The following TRIO variants were observed in gnomAD, a reference collection of about 807,000 sequenced individuals.
The protein encoded by TRIO is triple functional domain protein.
A neutral mutation model predicts 351.9 loss-of-function variants in TRIO; 58 were observed. The ratio of observed to expected loss-of-function variants is 0.16; its 90% confidence interval spans 0.13 to 0.21. The LOEUF (loss-of-function observed/expected upper bound fraction) is 0.21. Among genes scored for constraint, TRIO ranks in the 10% least tolerant of loss-of-function variants. The pLI, the probability that TRIO is intolerant of heterozygous loss-of-function variation, is 1.00. For synonymous variants in TRIO, 1,758 were observed against 1,595.7 expected (o/e 1.10, Z -2.42); for missense variants, 3,201 against 4,027.8 (o/e 0.79, Z 5.56).
chr5:14,456,184 C>T (rs927412362), intron 34 of TRIO, among the ~76,000 whole-genome samples: 64 of 152,348 alleles, frequency 4.2e-4, no homozygotes, highest in African/African-American at 1.5e-3. Context: ...GCTGAGCACA[C>T]GCCCACCTGG....
chr5:14,247,706 A>G (rs1365047930), intron 1 of TRIO, among the ~76,000 whole-genome samples: 1 of 152,216 alleles, frequency 6.6e-6, no homozygotes, highest in Non-Finnish European at 1.5e-5. Flanking sequence ...TTTTGACAAT[A>G]AAGTTGATAA....
At chr5:14,397,470 T>C (rs1465233726) in intron 29 of TRIO, 1 of 256,004 alleles carries the variant, frequency 3.9e-6, no homozygotes, top group African/African-American at 2.2e-5. Flanking sequence ...TATGGGTGGA[T>C]CAAACCCCAG....
Position 14,487,762 on chromosome 5 carries a change from C to T in TRIO, c.7134C>T (p.Pro2378=). ...GTSTPGPSLP[P]PGAAPEAGPS... Reference sequence around the variant, plus strand: ...CCACCCCCGGGCCCTCCCTGCCTCCCCCTGGCGCGGCCCCCGAGGCCGGCC... The same window carrying T: ...CCACCCCCGGGCCCTCCCTGCCTCCTCCTGGCGCGGCCCCCGAGGCCGGCC... Residue 2378 remains proline (P), a synonymous_variant, in exon 48 of 57, where the codon CCC becomes CCT. Coordinates refer to ENST00000344204, the MANE Select transcript of TRIO (RefSeq NM_007118.4). The T allele has an allele frequency of 1.4e-6, 2 of 1,380,784 alleles. No individual in the cohort carries two copies. The highest frequency in any genetic ancestry group is 1.7e-5 in the South Asian group (1 of 60,008). The allele number at this position is 1,380,784 out of a possible 1,614,324, so 85.5% of individuals were successfully genotyped here.
At chr5:14,302,209 A>T (rs1205829171) in intron 7 of TRIO, among the ~76,000 whole-genome samples, 2 of 152,178 alleles carry the variant, frequency 1.3e-5, no homozygotes, top group Non-Finnish European at 2.9e-5. Flanking sequence ...TGTTAATCTG[A>T]TGCTTCTGTT....
chr5:14,190,976 T>C (rs922309251), intron 1 of TRIO, among the ~76,000 whole-genome samples: 1 of 150,856 alleles, frequency 6.6e-6, no homozygotes. Flanking sequence ...CTGAGATTGA[T>C]ATGTATATTA....
At chr5:14,481,306 G>A (rs764416815) in intron 44 of TRIO, 22 bp downstream of exon 44, 3 of 1,612,280 alleles carry the variant, frequency 1.9e-6, no homozygotes, top group Non-Finnish European at 2.5e-6. Flanking sequence ...AGCGGCTGTG[G>A]GCACCCAAAT....
chr5:14,218,371 A>G (rs530195356), intron 1 of TRIO, among the ~76,000 whole-genome samples: 1 of 152,352 alleles, frequency 6.6e-6, no homozygotes, highest in South Asian at 2.1e-4. Context: ...GACTGATATT[A>G]AGAGCACAGA....
At chr5:14,462,965 G>A (rs1222850947) in intron 36 of TRIO, 40 bp downstream of exon 36, 2 of 1,521,674 alleles carry the variant, frequency 1.3e-6, no homozygotes, top group East Asian at 2.3e-5. Context: ...TGCCTGCCGT[G>A]CAGGGGCAGG....
intron 8 of TRIO, among the ~76,000 whole-genome samples, chr5:14,316,111 T>C (rs1739361026): frequency 1.3e-5 from 2 of 152,226 alleles, no homozygotes; most frequent in Non-Finnish European, 1.5e-5. Flanking sequence ...TGTCTCGAGA[T>C]AAAATTATTA....
intron 1 of TRIO, among the ~76,000 whole-genome samples, chr5:14,160,327 A>T (rs149131906): frequency 4.5e-4 from 69 of 152,320 alleles, no homozygotes; most frequent in Non-Finnish European, 7.1e-4. Flanking sequence ...TTGGACTGTC[A>T]TCTTTGTTTC....
rs528366081 is a variant in TRIO, at chr5:14,354,772, C to T, written c.2047-3406C>T. ...AACTATGCAGAGTCCCCTGTTGATT[C>T]CTTAAGTGTTCTCCATTTTTTGTCC... is the stretch of plus-strand genomic sequence containing the variant. On this transcript the variant is annotated intron_variant, in intron 11 of 56. Transcript: ENST00000344204. Among the ~76,000 whole-genome samples the T allele has an allele frequency of 3.9e-5, 6 of 152,268 alleles. No homozygotes were observed. In the East Asian group the frequency reaches 1.2e-3, roughly 29 times the overall value.
Position 14,456,286 on chromosome 5 carries a change from C to T in TRIO, c.5204-4733C>T, listed in dbSNP as rs955699107. 3.9e-5 allele frequency among the ~76,000 whole-genome samples: 6 copies of T among 152,378 alleles called. No homozygotes were observed. In the South Asian group the frequency reaches 1.0e-3, roughly 26 times the overall value. Reference sequence around the variant, plus strand: ...CACACCTCTGTGCAAGCAGAGGGAGCCCTCCAGCCTCAGCCAGCTCAGAGA... The same window carrying T: ...CACACCTCTGTGCAAGCAGAGGGAGTCCTCCAGCCTCAGCCAGCTCAGAGA... On this transcript the variant is annotated intron_variant, in intron 34 of 56. Transcript: ENST00000344204.
At chr5:14,397,387 G>A in intron 29 of TRIO, 1 of 444,186 alleles carries the variant, frequency 2.3e-6, no homozygotes, top group South Asian at 2.7e-5. Context: ...CCACACTCTG[G>A]ACTCCAATAG....
rs776883488 is a variant in TRIO at position 14,461,454 on chromosome 5, A to C, written c.5496+143A>C. ...GAAATTACCATTCAAGTCTCTGCTT[A>C]GCAGACTGAGATTTAGTGGGGACAC... On this transcript the variant is annotated intron_variant, in intron 35 of 56. Transcript: ENST00000344204. The C allele has an allele frequency of 2.4e-6, 3 of 1,234,832 alleles. No individual in the cohort carries two copies. The African/African-American group carries it at 4.7e-5, about 19-fold the overall frequency. The allele number at this position is 1,234,832 out of a possible 1,614,324, so 76.5% of individuals were successfully genotyped here.
chr5:14,159,877 C>T (rs891123820), intron 1 of TRIO, among the ~76,000 whole-genome samples: 4 of 152,148 alleles, frequency 2.6e-5, no homozygotes, highest in Non-Finnish European at 5.9e-5. Context: ...GCTTTATATT[C>T]TTGAATATTG....
intron 7 of TRIO, among the ~76,000 whole-genome samples, chr5:14,298,322 C>T (rs998722453): frequency 1.3e-5 from 2 of 152,104 alleles, no homozygotes; most frequent in African/African-American, 2.4e-5. Flanking sequence ...AGTTTATTAT[C>T]GGAAGGTGAG....
At chr5:14,316,410 GTGTGCCTGTA>G in intron 8 of TRIO, 93 bp from the exon 9 acceptor site, 1 of 1,129,078 alleles carries the variant, frequency 8.9e-7, no homozygotes, top group Non-Finnish European at 1.3e-6. Context: ...ACATGTACGT[GTGTGCCTGTA>G]TGTGCACACA....
chr5:14,258,003 G>T (rs1795123653), intron 1 of TRIO, among the ~76,000 whole-genome samples: 1 of 152,230 alleles, frequency 6.6e-6, no homozygotes, highest in South Asian at 2.1e-4. Flanking sequence ...AGACGAGGAA[G>T]CGAAGCTTTG....
chr5:14,449,456 G>A (rs1050539378), intron 34 of TRIO, among the ~76,000 whole-genome samples: 2 of 152,128 alleles, frequency 1.3e-5, no homozygotes, highest in Non-Finnish European at 1.5e-5. Flanking sequence ...CTTTCAAGAC[G>A]TGACTCACTA....
Sources: allele counts gnomAD v4.1 joint callset (sites outside exome capture counted in the v4.1 genomes callset), GRCh38; gene constraint gnomAD v4.1.1; transcripts MANE v1.5; gene names NCBI Gene and HGNC (gene_info 2026-07-23, HGNC 2026-07-21).